Variants in AP2B1 observed in about 807,000 individuals in gnomAD.
AP2B1 encodes the protein AP-2 complex subunit beta.
Under a neutral mutation model 102.0 loss-of-function variants are expected in AP2B1, and 23 were observed. The observed-to-expected ratio is 0.23, with a 90% confidence interval of 0.16 to 0.32. AP2B1 has a LOEUF of 0.32. Ranked by LOEUF, AP2B1 falls within the 10% of genes least tolerant of loss-of-function variation. AP2B1 has a pLI of 1.00. For synonymous variants in AP2B1, 381 were observed against 421.2 expected, an observed-to-expected ratio of 0.90 and a Z score of 1.17; for missense variants, 541 against 1,157.4, an observed-to-expected ratio of 0.47 and a Z score of 7.73.
chr17:35,700,456 C>A (rs1215109051), intron 18 of AP2B1, among the ~76,000 whole-genome samples: 1 of 151,970 alleles, frequency 6.6e-6, no homozygotes, highest in East Asian at 1.9e-4. Flanking sequence ...AAAAATAATT[C>A]TTCAGAAATG....
At position 35,694,433 on chromosome 17, in the gene AP2B1, T is replaced by TTTTA. The variant is rs56363655; in HGVS notation, c.2454+11609_2454+11610insTTTA. 3.3e-4 allele frequency among the ~76,000 whole-genome samples: 49 copies of TTTTA among 146,534 alleles called. 3 individuals carry two copies. Among genetic ancestry groups the TTTTA allele is most frequent in the Middle Eastern group, 3.6e-3 (1 of 276 alleles). On this transcript the variant is annotated intron_variant, in intron 18 of 21. Transcript: ENST00000610402. ...TGACTTTTTTTTTTTTTTAATTTTT[T>TTTTA]AATTTTTTGTAGAGTTGAGGTCTGG... is the stretch of plus-strand genomic sequence containing the variant.
At chr17:35,613,768 A>G (rs2073934629) in intron 5 of AP2B1, among the ~76,000 whole-genome samples, 1 of 152,242 alleles carries the variant, frequency 6.6e-6, no homozygotes, top group Non-Finnish European at 1.5e-5. Flanking sequence ...TTGCTACAAT[A>G]TTAATTTAAA....
chr17:35,682,904 G>A lies in AP2B1; in HGVS notation c.2454+80G>A, dbSNP rs999712090. The A allele has an allele frequency of 6.0e-6, 8 of 1,326,006 alleles. No individual in the cohort carries two copies. In the Admixed American group the frequency reaches 1.7e-4, roughly 29 times the overall value. 82.1% of individuals were successfully genotyped at this position (1,326,006 alleles called of 1,614,324 possible). A position where few individuals can be genotyped will look rare whatever the true frequency, so the allele number is the denominator to read the frequency against. On this transcript the variant is annotated intron_variant, in intron 18 of 21. Coordinates refer to ENST00000610402, the MANE Select transcript of AP2B1 (RefSeq NM_001030006.2). ...TATTATTATTATTTTTAAAGACACA[G>A]TCTTACTCTGTTGCCCAGGCTGGAG...
In AP2B1 at chr17:35,675,956, G is replaced by A. The variant is rs146852266; in HGVS notation, c.2324+1635G>A. ...GGGTCCCAATAAGGTCCCATACATT[G>A]CAATTGGATGATAAGTGCCTTAAGT... On this transcript the variant is annotated intron_variant, in intron 17 of 21. Transcript: ENST00000610402. Among the ~76,000 whole-genome samples, 25 of 152,244 alleles carry A rather than the reference G, an allele frequency of 1.6e-4. 1 individual carries two copies. The East Asian group carries it at 4.6e-3, about 28-fold the overall frequency.
intron 11 of AP2B1, among the ~76,000 whole-genome samples, chr17:35,641,109 A>G (rs773639914): frequency 9.2e-5 from 14 of 152,224 alleles, no homozygotes; most frequent in Non-Finnish European, 1.8e-4. Context: ...GTGGTTTAGC[A>G]GCCAACTCCT....
At chr17:35,621,838 C>G (rs908487248) in intron 5 of AP2B1, among the ~76,000 whole-genome samples, 1 of 152,054 alleles carries the variant, frequency 6.6e-6, no homozygotes, top group Admixed American at 6.6e-5. Context: ...TCTATATTTC[C>G]TATTACTAGA....
intron 5 of AP2B1, among the ~76,000 whole-genome samples, chr17:35,620,081 C>T (rs1421352680): frequency 6.6e-6 from 1 of 152,072 alleles, no homozygotes; most frequent in Non-Finnish European, 1.5e-5. Flanking sequence ...CCACCGTGCT[C>T]GGCCAAGGAT....
intron 11 of AP2B1, among the ~76,000 whole-genome samples, chr17:35,640,569 C>A (rs1459015953): frequency 2.0e-5 from 3 of 152,168 alleles, no homozygotes; most frequent in African/African-American, 7.2e-5. Context: ...TAAAAACCTA[C>A]ATAACTCAGA....
At chr17:35,622,916 C>G (rs556624756) in intron 5 of AP2B1, among the ~76,000 whole-genome samples, 57 of 152,276 alleles carry the variant, frequency 3.7e-4, no homozygotes, top group Admixed American at 3.4e-3. Context: ...CCGCCCATCT[C>G]AGCCTCCCAA....
intron 2 of AP2B1, among the ~76,000 whole-genome samples, chr17:35,595,392 TAAA>T: frequency 6.6e-6 from 1 of 151,662 alleles, no homozygotes; most frequent in South Asian, 2.1e-4. Context: ...AAAAAAAATT[TAAA>T]AATTAGCCCT....
At chr17:35,692,200 C>T (rs999013496) in intron 18 of AP2B1, among the ~76,000 whole-genome samples, 2 of 152,204 alleles carry the variant, frequency 1.3e-5, no homozygotes, top group African/African-American at 2.4e-5. Context: ...GACAGTTAAA[C>T]ACCCAAACTT....
intron 10 of AP2B1, among the ~76,000 whole-genome samples, chr17:35,638,980 A>C (rs901574437): frequency 3.3e-5 from 5 of 152,162 alleles, no homozygotes; most frequent in Admixed American, 3.3e-4. Context: ...TAATGTACTT[A>C]TATGAAAGAT....
chr17:35,680,571 A>G (rs1230064505), intron 17 of AP2B1, among the ~76,000 whole-genome samples: 1 of 151,038 alleles, frequency 6.6e-6, no homozygotes, highest in Non-Finnish European at 1.5e-5. Context: ...GGGTTTCTCT[A>G]TGTTGCCCAA....
chr17:35,620,696 A>G (rs1276526190), intron 5 of AP2B1, among the ~76,000 whole-genome samples: 1 of 152,152 alleles, frequency 6.6e-6, no homozygotes, highest in Non-Finnish European at 1.5e-5. Flanking sequence ...ACAAGCCTGT[A>G]GTCCTGGCTA....
intron 5 of AP2B1, among the ~76,000 whole-genome samples, chr17:35,623,243 G>A (rs969850767): frequency 5.3e-5 from 8 of 151,998 alleles, no homozygotes; most frequent in African/African-American, 1.9e-4. Flanking sequence ...TGTGAGTCAG[G>A]ATACAAGTGT....
chr17:35,650,898 C>G, intron 13 of AP2B1, 109 bp downstream of exon 13: 6 of 1,305,558 alleles, frequency 4.6e-6, no homozygotes, highest in Non-Finnish European at 6.4e-6. Context: ...ATTTTTGCTT[C>G]TTTATGCTTT....
At chr17:35,691,473 G>C (rs975986028) in intron 18 of AP2B1, among the ~76,000 whole-genome samples, 15 of 152,220 alleles carry the variant, frequency 9.9e-5, no homozygotes, top group Admixed American at 4.6e-4. Flanking sequence ...AAGCAAACCA[G>C]CTTGGCATTT....
At chr17:35,645,450 G>C (rs897571172) in intron 12 of AP2B1, among the ~76,000 whole-genome samples, 4 of 151,988 alleles carry the variant, frequency 2.6e-5, no homozygotes, top group African/African-American at 9.7e-5. Flanking sequence ...ATTAGTTAGG[G>C]GGAAAAACCC....
intron 14 of AP2B1, among the ~76,000 whole-genome samples, chr17:35,667,674 C>A (rs1043339556): frequency 1.3e-5 from 2 of 152,168 alleles, no homozygotes; most frequent in African/African-American, 4.8e-5. Context: ...AATCTCTTTT[C>A]TCAATGCCTT....
Sources: gnomAD v4.1 joint callset for allele counts (sites outside exome capture counted in the v4.1 genomes callset) on GRCh38, gnomAD v4.1.1 for gene constraint, MANE v1.5 for transcripts, NCBI Gene and HGNC (gene_info 2026-07-23, HGNC 2026-07-21) for gene names.